Variants in MINDY2 observed in about 807,000 individuals in gnomAD.
MINDY2 encodes the protein ubiquitin carboxyl-terminal hydrolase MINDY-2.
In MINDY2, 52 loss-of-function variants were observed where a neutral mutation model predicts 68.2. The observed-to-expected ratio is 0.76, with a 90% CI of 0.61 to 0.96. The LOEUF (loss-of-function observed/expected upper bound fraction) is 0.96. Among genes scored for constraint, MINDY2 ranks in the 40% least tolerant of loss-of-function variants. The pLI, the probability that MINDY2 is intolerant of heterozygous loss-of-function variation, is 0.00. For synonymous variants in MINDY2, 372 were observed against 303.0 expected (o/e 1.23, Z -2.36); for missense variants, 881 against 773.4 (o/e 1.14, Z -1.65).
chr15:58,815,404 G>T (rs1176126099), intron 4 of MINDY2: 1 of 152,244 alleles, frequency 6.6e-6, no homozygotes, highest in African/African-American at 2.4e-5. Flanking sequence ...AGGCTGGAGT[G>T]CAGTGGCACA....
intron 1 of MINDY2, among the ~76,000 whole-genome samples, chr15:58,779,897 A>G (rs946283944): frequency 6.6e-6 from 1 of 152,130 alleles, no homozygotes; most frequent in African/African-American, 2.4e-5. Context: ...CTCACTCCCC[A>G]TTCAACCTTG....
intron 4 of MINDY2, among the ~76,000 whole-genome samples, chr15:58,810,699 CAG>C (rs1473485644): frequency 6.6e-6 from 1 of 152,166 alleles, no homozygotes; most frequent in East Asian, 1.9e-4. Flanking sequence ...AGTAATTCAC[CAG>C]AGTGACTAAC....
At position 58,822,363 on chromosome 15, in the gene MINDY2, A is replaced by T. The variant is rs192213692; in HGVS notation, c.1225+544A>T. Reference sequence around the variant, plus strand: ...AAATCAGGCCTGGATTCTATTAAAAATTTTTGGAATCACTTGCTAACTTTG... The same window carrying T: ...AAATCAGGCCTGGATTCTATTAAAATTTTTTGGAATCACTTGCTAACTTTG... On this transcript the variant is annotated intron_variant, in intron 5 of 8. Transcript: ENST00000559228. Among the ~76,000 whole-genome samples, 114 of 152,238 alleles carry T rather than the reference A, an allele frequency of 7.5e-4. 1 individual carries two copies. The highest frequency in any genetic ancestry group is 1.2e-3 in the South Asian group (6 of 4,820).
chr15:58,809,213 A>G (rs1427885368), intron 3 of MINDY2, among the ~76,000 whole-genome samples: 6 of 152,138 alleles, frequency 3.9e-5, no homozygotes, highest in Non-Finnish European at 2.9e-5. Flanking sequence ...CCCTATATTC[A>G]TCAAACAACC....
rs56935479 is a variant in MINDY2, at chr15:58,835,899, T to TTTTTG, written c.1368+4008_1368+4012dup. On this transcript the variant is annotated intron_variant, in intron 6 of 8. Coordinates refer to ENST00000559228, the MANE Select transcript of MINDY2 (RefSeq NM_001040450.3). Reference sequence around the variant, plus strand: ...CACTAGATCTTGTAAAGTCTTGGGTTTTTTGTTTTGTTTTGTTTTGTTTTG... The same window carrying TTTTTG: ...CACTAGATCTTGTAAAGTCTTGGGTTTTTTGTTTTGTTTTGTTTTGTTTTGTTTTG... Among the ~76,000 whole-genome samples, 1,470 of 151,756 alleles carry TTTTTG rather than the reference T, an allele frequency of 9.7e-3. 21 individuals are homozygous for TTTTTG. The highest frequency in any genetic ancestry group is 0.031 in the African/African-American group (1,289 of 41,380).
Position 58,858,203 on chromosome 15 carries a change from G to T in MINDY2, c.*3593G>T, listed in dbSNP as rs2033118770. 1 of 152,208 alleles carries T rather than the reference G, an allele frequency of 6.6e-6. No homozygotes were observed. The highest frequency in any genetic ancestry group is 6.5e-5 in the Admixed American group (1 of 15,276). The allele number at this position is 152,208 out of a possible 1,614,324, so 9.4% of individuals were successfully genotyped here. A position where few individuals can be genotyped will look rare whatever the true frequency, so the allele number is the denominator to read the frequency against. On this transcript the variant is annotated 3_prime_UTR_variant, in exon 9 of 9. Transcript: ENST00000559228. The stretch of plus-strand genomic sequence containing the variant: ...CTTCCATGTTTCAAGGTCAGGTTCA[G>T]AGTTGAATGAAGTGTAGATTTAAAT...
intron 2 of MINDY2, 137 bp from the exon 3 acceptor site, chr15:58,802,176 G>A (rs1317405605): frequency 1.6e-5 from 10 of 625,388 alleles, no homozygotes; most frequent in Non-Finnish European, 2.6e-5. Flanking sequence ...TTTTCTCTGG[G>A]TAGGATTGGG....
intron 1 of MINDY2, among the ~76,000 whole-genome samples, chr15:58,783,465 T>A (rs1901289456): frequency 6.6e-6 from 1 of 152,212 alleles, no homozygotes; most frequent in African/African-American, 2.4e-5. Flanking sequence ...TGCATTTATC[T>A]TTTCCTTTGG....
At chr15:58,785,135 CA>C (rs397719705) in intron 1 of MINDY2, among the ~76,000 whole-genome samples, 13,063 of 68,902 alleles carry the variant, frequency 0.19, 266 homozygotes, top group South Asian at 0.29. Context: ...TGAAGGAAAG[CA>C]AAAAAAAAAA....
chr15:58,772,056 G>A lies in MINDY2; in HGVS notation c.661G>A (p.Glu221Lys), dbSNP rs747667525. The A allele has an allele frequency of 3.1e-6, 5 of 1,610,584 alleles. No homozygotes were observed. The East Asian group carries it at 1.1e-4, about 36-fold the overall frequency. Residue 221 changes from glutamate to lysine, a missense_variant, in exon 1 of 9, where the codon GAG becomes AAG. Coordinates refer to ENST00000559228, the MANE Select transcript of MINDY2 (RefSeq NM_001040450.3). Reference sequence around the variant, plus strand: ...CGGGGCTGTTCCTCTGTGCAAGGAGGAGGAGGGGGAGGAGACCGCTCAGGT... The same window carrying A: ...CGGGGCTGTTCCTCTGTGCAAGGAGAAGGAGGGGGAGGAGACCGCTCAGGT... ...LPGAVPLCKEEEGEETAQVLA... is the reference protein window; with the variant it reads ...LPGAVPLCKEKEGEETAQVLA...
intron 2 of MINDY2, among the ~76,000 whole-genome samples, chr15:58,790,591 G>GGC (rs1567043337): frequency 2.0e-4 from 31 of 152,212 alleles, no homozygotes; most frequent in African/African-American, 7.2e-4. Context: ...ACCTTAGTGG[G>GGC]GGGTAAGACA....
rs1449210503 is a variant in MINDY2, at chr15:58,791,241, A to ATATATATATATATC, written c.898+3291_898+3292insCTATATATATATAT. On this transcript the variant is annotated intron_variant, in intron 2 of 8. Transcript: ENST00000559228. ...TATATATATATATATATATATATAT[A>ATATATATATATATC]TATATATATATATATCTTGAGTTCA... Among the ~76,000 whole-genome samples the ATATATATATATATC allele has an allele frequency of 3.1e-4, 28 of 89,162 alleles. 1 individual carries two copies. Among genetic ancestry groups the ATATATATATATATC allele is most frequent in the Non-Finnish European group, 6.0e-4 (27 of 44,756 alleles). The allele number at this position is 89,162 out of a possible 152,430, so 58.5% of individuals were successfully genotyped here.
rs1336566818 is a variant in MINDY2, at chr15:58,810,279, A to G, written c.1013A>G (p.Asp338Gly). ...AILHKLQTGLDVNVRFTGVRV... is the reference protein window; with the variant it reads ...AILHKLQTGLGVNVRFTGVRV... ...TTGCACAAACTACAGACAGGCCTGG[A>G]TGTAAATGTAAGATTCACTGGTGTT... The change falls in exon 4 of 9, where the codon GAT (aspartate) becomes GGT (glycine). Residue 338 changes from aspartate to glycine, a missense_variant. Coordinates refer to ENST00000559228, the MANE Select transcript of MINDY2 (RefSeq NM_001040450.3). 6.2e-7 allele frequency: 1 copy of G among 1,613,772 alleles called. No homozygotes were observed.
chr15:58,801,700 C>T (rs1386957481), intron 2 of MINDY2, among the ~76,000 whole-genome samples: 1 of 152,080 alleles, frequency 6.6e-6, no homozygotes, highest in Non-Finnish European at 1.5e-5. Context: ...AGTGCAGTGG[C>T]GCGATCTCGG....
At chr15:58,812,489 G>A (rs1323917929) in intron 4 of MINDY2, among the ~76,000 whole-genome samples, 1 of 151,364 alleles carries the variant, frequency 6.6e-6, no homozygotes, top group East Asian at 1.9e-4. Context: ...CTTTTACCCA[G>A]TTTTCCCCAA....
rs1253005463 is a variant in MINDY2, at chr15:58,859,991, G to A, written c.*5381G>A. The A allele has an allele frequency of 1.3e-5, 2 of 152,176 alleles. No individual in the cohort carries two copies. Among genetic ancestry groups the A allele is most frequent in the African/African-American group, 4.8e-5 (2 of 41,452 alleles). 9.4% of individuals were successfully genotyped at this position (152,176 alleles called of 1,614,324 possible). ...TTTTAGGGCATCGTACTATCCCAGAGAAAGTGTTGAGATACCATGGCAGAA... is the reference window on the plus strand; with the variant it reads ...TTTTAGGGCATCGTACTATCCCAGAAAAAGTGTTGAGATACCATGGCAGAA... On this transcript the variant is annotated 3_prime_UTR_variant, in exon 9 of 9. Coordinates refer to ENST00000559228, the MANE Select transcript of MINDY2 (RefSeq NM_001040450.3).
chr15:58,831,037 G>A (rs200321736), intron 5 of MINDY2, among the ~76,000 whole-genome samples: 218 of 110,340 alleles, frequency 2.0e-3, no homozygotes, highest in Admixed American at 3.8e-3. Flanking sequence ...GTGTGTGTGT[G>A]TGTGTATATA....
chr15:58,789,872 C>G (rs1164358495), intron 2 of MINDY2, among the ~76,000 whole-genome samples: 1 of 152,106 alleles, frequency 6.6e-6, no homozygotes, highest in Non-Finnish European at 1.5e-5. Context: ...GTCTTGAACT[C>G]CTGACCTCAG....
At chr15:58,823,818 A>C (rs948108782) in intron 5 of MINDY2, among the ~76,000 whole-genome samples, 13 of 152,254 alleles carry the variant, frequency 8.5e-5, no homozygotes, top group Non-Finnish European at 1.8e-4. Context: ...TATTCTCTCA[A>C]TTAACAAAAT....
Sources: allele counts gnomAD v4.1 joint callset (sites outside exome capture counted in the v4.1 genomes callset), GRCh38; gene constraint gnomAD v4.1.1; transcripts MANE v1.5; gene names NCBI Gene and HGNC (gene_info 2026-07-23, HGNC 2026-07-21).